Variants in GALNT7 observed in about 807,000 individuals in gnomAD.
GALNT7 encodes N-acetylgalactosaminyltransferase 7.
Under a neutral mutation model 82.1 loss-of-function variants are expected in GALNT7, and 60 were observed. That is an observed-to-expected ratio of 0.73 (90% CI 0.59 to 0.91). GALNT7 has a LOEUF of 0.91. GALNT7 is among the 40% of genes least tolerant of loss of function. The pLI, the probability that GALNT7 is intolerant of heterozygous loss-of-function variation, is 0.00. For missense variants in GALNT7, 660 were observed against 804.2 expected, an observed-to-expected ratio of 0.82 and a Z score of 2.17; for synonymous variants, 243 against 275.1, an observed-to-expected ratio of 0.88 and a Z score of 1.15.
rs751504363 is a variant in GALNT7, at chr4:173,298,297, G to A, written c.1148G>A (p.Arg383Gln). 2.5e-5 allele frequency: 39 copies of A among 1,548,314 alleles called. No individual in the cohort carries two copies. In the South Asian group the frequency reaches 2.8e-4, roughly 11 times the overall value. Residue 383 changes from arginine (R) to glutamine (Q), a missense_variant and splice_region_variant, in exon 6 of 12, where the codon CGG (arginine) becomes CAG (glutamine). Arg to Gln is a conservative substitution (Grantham distance 43). Around this residue, in one of 2 missense-constraint regions of GALNT7, gnomAD observed 527 missense variants for 683.5 expected, o/e 0.77. Transcript: ENST00000265000. ...AGAAAGACAAAAACTGAACCGTATC[G>A]GTAATCACTAAATCACTTACATATT... The part of the protein sequence containing the change: ...RLRKTKTEPY[R>Q]SPAMAGGLFA...
intron 4 of GALNT7, 107 bp from the exon 5 acceptor site, chr4:173,295,657 G>A: frequency 1.8e-6 from 2 of 1,135,712 alleles, no homozygotes; most frequent in Non-Finnish European, 2.6e-6. Flanking sequence ...TTATGTGTCA[G>A]AATTGACTAT....
intron 1 of GALNT7, among the ~76,000 whole-genome samples, chr4:173,211,228 ATCACCT>A (rs1258724254): frequency 1.3e-5 from 2 of 152,200 alleles, no homozygotes; most frequent in African/African-American, 4.8e-5. Flanking sequence ...CATGTTCAGA[ATCACCT>A]GGAAGCTTTT....
In GALNT7 at chr4:173,297,848, T is replaced by C. The variant is rs569697396; in HGVS notation, c.966-267T>C. 13 of 1,489,470 alleles carry C rather than the reference T, an allele frequency of 8.7e-6. No individual in the cohort carries two copies. In the East Asian group the frequency reaches 2.7e-4, roughly 31 times the overall value. The allele number at this position is 1,489,470 out of a possible 1,614,324, so 92.3% of individuals were successfully genotyped here. A position where few individuals can be genotyped will look rare whatever the true frequency, so the allele number is the denominator to read the frequency against. Reference sequence around the variant, plus strand: ...TACATAGATGGGAATGATTATTCCATTGAACCACAGCAAGGTGGGGATGAA... The same window carrying C: ...TACATAGATGGGAATGATTATTCCACTGAACCACAGCAAGGTGGGGATGAA... On this transcript the variant is annotated intron_variant, in intron 5 of 11. Transcript: ENST00000265000.
chr4:173,292,169 A>G lies in GALNT7; in HGVS notation c.649A>G (p.Asn217Asp), dbSNP rs763045588. The change falls in exon 3 of 12, where the codon AAT becomes GAT. Residue 217 changes from asparagine to aspartate, a missense_variant. Asn to Asp is a conservative substitution (Grantham distance 23). This residue lies in a region of GALNT7 where 527 missense variants were observed against 683.5 expected (regional missense o/e 0.77). Coordinates refer to ENST00000265000, the MANE Select transcript of GALNT7 (RefSeq NM_017423.3). The surrounding 1 kb of genome is among the most constrained non-coding windows in gnomAD (Gnocchi z 4.8). ...TTCGAGCGTTGTCATTGTCTTCCATAATGAAGGATGGTCAACCCTCATGAG... is the reference window on the plus strand; with the variant it reads ...TTCGAGCGTTGTCATTGTCTTCCATGATGAAGGATGGTCAACCCTCATGAG... ...LTSSVVIVFH[N>D]EGWSTLMRTV... The G allele has an allele frequency of 3.7e-6, 6 of 1,607,464 alleles. No homozygotes were observed. In the South Asian group the frequency reaches 4.4e-5, roughly 12 times the overall value.
At chr4:173,274,746 C>T (rs1735840447) in intron 2 of GALNT7, among the ~76,000 whole-genome samples, 2 of 152,190 alleles carry the variant, frequency 1.3e-5, no homozygotes, top group African/African-American at 4.8e-5. Context: ...ATCACAATAA[C>T]TAATAGCAAA....
At chr4:173,188,843 T>C (rs1732534590) in intron 1 of GALNT7, among the ~76,000 whole-genome samples, 1 of 152,210 alleles carries the variant, frequency 6.6e-6, no homozygotes. Context: ...CTGATTATGA[T>C]TGATGGTAAT....
In GALNT7 at chr4:173,254,813, C is replaced by A. The variant is rs187543970; in HGVS notation, c.587+6373C>A. Among the ~76,000 whole-genome samples the A allele has an allele frequency of 2.4e-3, 363 of 152,338 alleles. 1 individual carries two copies. Among genetic ancestry groups the A allele is most frequent in the Non-Finnish European group, 4.4e-3 (298 of 68,038 alleles). On this transcript the variant is annotated intron_variant, in intron 2 of 11. Coordinates refer to ENST00000265000, the MANE Select transcript of GALNT7 (RefSeq NM_017423.3). ...GAAAACACATTTGAAAGTGGTTTCA[C>A]ATGACCCAAGATGGACATGTTGCTT...
chr4:173,173,916 C>T (rs1272176879), intron 1 of GALNT7, among the ~76,000 whole-genome samples: 1 of 152,186 alleles, frequency 6.6e-6, no homozygotes, highest in Non-Finnish European at 1.5e-5. Context: ...CCCTGGCAGT[C>T]AAGTTCCACC....
intron 2 of GALNT7, among the ~76,000 whole-genome samples, chr4:173,274,821 A>G (rs1350052526): frequency 6.6e-6 from 1 of 152,160 alleles, no homozygotes; most frequent in Non-Finnish European, 1.5e-5. Context: ...CAAATTCACA[A>G]CTAGTTCTGG....
chr4:173,211,195 C>A (rs1561155692), intron 1 of GALNT7, among the ~76,000 whole-genome samples: 2 of 152,138 alleles, frequency 1.3e-5, no homozygotes, highest in Admixed American at 1.3e-4. Flanking sequence ...ATAACCACAT[C>A]TAGAAGTTCT....
At chr4:173,243,356 T>C (rs1247112627) in intron 1 of GALNT7, among the ~76,000 whole-genome samples, 25 of 152,216 alleles carry the variant, frequency 1.6e-4, no homozygotes, top group Non-Finnish European at 1.0e-4. Context: ...GGTTATATTT[T>C]TCAGTCCATT....
chr4:173,243,479 C>T (rs779081117), intron 1 of GALNT7, among the ~76,000 whole-genome samples: 53 of 152,256 alleles, frequency 3.5e-4, no homozygotes, highest in Non-Finnish European at 6.6e-4. Context: ...CTGGTGTTTA[C>T]GAAGGTATCA....
intron 1 of GALNT7, among the ~76,000 whole-genome samples, chr4:173,230,676 GTGTCCTAGAAAACAGACTGT>G (rs1253124620): frequency 9.9e-5 from 15 of 152,106 alleles, no homozygotes; most frequent in African/African-American, 3.6e-4. Flanking sequence ...ACATTTTCAT[GTGTCCTAGAAAACAGACTGT>G]TGGTTGTATT....
chr4:173,319,813 C>A (rs1445543401), intron 11 of GALNT7, among the ~76,000 whole-genome samples: 1 of 151,866 alleles, frequency 6.6e-6, no homozygotes, highest in Admixed American at 6.6e-5. Context: ...GAAAGAAATG[C>A]AAAAATAGAG....
chr4:173,319,525 A>C (rs1737724917), intron 11 of GALNT7, among the ~76,000 whole-genome samples: 1 of 150,770 alleles, frequency 6.6e-6, no homozygotes, highest in South Asian at 2.1e-4. Context: ...ATTTATTTTC[A>C]CAAAAAAAAA....
At chr4:173,171,842 T>C (rs1051136183) in intron 1 of GALNT7, among the ~76,000 whole-genome samples, 1 of 152,182 alleles carries the variant, frequency 6.6e-6, no homozygotes, top group African/African-American at 2.4e-5. Context: ...CACACAGCAA[T>C]CAAACCTCGA....
intron 1 of GALNT7, among the ~76,000 whole-genome samples, chr4:173,236,525 A>G (rs1734235863): frequency 6.6e-6 from 1 of 152,210 alleles, no homozygotes. Flanking sequence ...GTAAGAGGAT[A>G]AAGTCTGAAC....
Position 173,168,827 on chromosome 4 carries a change from C to G in GALNT7, c.-9C>G. On this transcript the variant is annotated 5_prime_UTR_variant, in exon 1 of 12. Transcript: ENST00000265000. ...CGCCGGGCTGTGAGTCTCTCGCCGC[C>G]GGAGGAAGATGAGGCTGAAGATTGG... is the stretch of plus-strand genomic sequence containing the variant. The G allele has an allele frequency of 2.5e-6, 4 of 1,612,004 alleles. No homozygotes were observed. The highest frequency in any genetic ancestry group is 2.5e-6 in the Non-Finnish European group (3 of 1,179,138).
At chr4:173,188,644 G>T (rs1016405381) in intron 1 of GALNT7, among the ~76,000 whole-genome samples, 4 of 152,184 alleles carry the variant, frequency 2.6e-5, no homozygotes, top group African/African-American at 9.7e-5. Flanking sequence ...GTCTTCAGGG[G>T]AGGAATCTGG....
Sources: gnomAD v4.1 joint callset for allele counts (sites outside exome capture counted in the v4.1 genomes callset) on GRCh38, gnomAD v4.1.1 for gene constraint, gnomAD v4.1.1 regional missense constraint, Gnocchi (gnomAD v3.1) non-coding constraint, MANE v1.5 for transcripts, NCBI Gene and HGNC (gene_info 2026-07-23, HGNC 2026-07-21) for gene names.